The following UNC13C variants were observed in gnomAD, a reference collection of about 807,000 sequenced individuals.
The protein encoded by UNC13C is unc-13 homolog C.
Under a neutral mutation model 245.4 loss-of-function variants are expected in UNC13C, and 174 were observed. The observed-to-expected ratio is 0.71, with a 90% CI of 0.63 to 0.80. The LOEUF (loss-of-function observed/expected upper bound fraction) is 0.80, where lower values mean the gene tolerates loss of function less well. Ranked by LOEUF, UNC13C falls within the 30% of genes least tolerant of loss-of-function variation. UNC13C has a pLI of 0.00. For synonymous variants in UNC13C, 992 were observed against 895.1 expected, an observed-to-expected ratio of 1.11 and a Z score of -1.93; for missense variants, 2,829 against 2,602.9, an observed-to-expected ratio of 1.09 and a Z score of -1.89.
At chr15:53,873,738 C>T in the UNC13C span, among the ~76,000 whole-genome samples, 1 of 284 alleles carries the variant, frequency 3.5e-3, no homozygotes, top group Non-Finnish European at 0.17. Context: ...AAATAAGACA[C>T]ACAACTATGT....
intron 10 of UNC13C, among the ~76,000 whole-genome samples, chr15:54,272,999 G>C (rs2036727108): frequency 6.6e-6 from 1 of 152,144 alleles, no homozygotes. Context: ...GTTTTAAATT[G>C]AGAACCAAAC....
intron 29 of UNC13C, among the ~76,000 whole-genome samples, chr15:54,566,732 G>T (rs186567692): frequency 2.0e-5 from 3 of 150,756 alleles, no homozygotes; most frequent in Non-Finnish European, 3.0e-5. Context: ...CCTTGAATAG[G>T]GAAAAAAAAA....
intron 19 of UNC13C, among the ~76,000 whole-genome samples, chr15:54,473,723 TTTC>T (rs1203092053): frequency 1.3e-5 from 2 of 151,632 alleles, no homozygotes; most frequent in African/African-American, 2.4e-5. Context: ...TCTTCTCTTT[TTTC>T]TTTTTTTAGT....
At chr15:54,155,380 C>G (rs2141257100) in intron 4 of UNC13C, among the ~76,000 whole-genome samples, 1 of 152,280 alleles carries the variant, frequency 6.6e-6, no homozygotes, top group Admixed American at 6.5e-5. Context: ...ACTTTTGCCA[C>G]ATTCTATTGT....
At chr15:54,199,724 C>A (rs1287886599) in intron 4 of UNC13C, among the ~76,000 whole-genome samples, 3 of 151,882 alleles carry the variant, frequency 2.0e-5, no homozygotes, top group Non-Finnish European at 4.4e-5. Context: ...CTAAATAAAC[C>A]AAAATAGAAC....
chr15:53,897,250 C>T, the UNC13C span, among the ~76,000 whole-genome samples: 97 of 152,254 alleles, frequency 6.4e-4, no homozygotes, highest in Admixed American at 5.3e-3. Context: ...CAATCAAGCT[C>T]ATTGAATAAA....
At chr15:54,061,899 G>A (rs1159884126) in intron 2 of UNC13C, among the ~76,000 whole-genome samples, 1 of 152,142 alleles carries the variant, frequency 6.6e-6, no homozygotes, top group Non-Finnish European at 1.5e-5. Flanking sequence ...GGTCATGGAT[G>A]TTTGTAAATT....
chr15:54,332,234 C>A, intron 15 of UNC13C, 123 bp downstream of exon 15: 1 of 663,512 alleles, frequency 1.5e-6, no homozygotes, highest in Non-Finnish European at 2.5e-6. Flanking sequence ...GGTGCTGTTA[C>A]CCTTAGAAAT....
Position 54,038,124 on chromosome 15 carries a change from A to ATAAAAATTTTTTTTTTTTTTTTTTTT in UNC13C, c.2983+22239_2983+22240insAAAAATTTTTTTTTTTTTTTTTTTTT. 5.6e-4 allele frequency among the ~76,000 whole-genome samples: 25 copies of ATAAAAATTTTTTTTTTTTTTTTTTTT among 45,030 alleles called. 1 individual carries two copies. The highest frequency in any genetic ancestry group is 2.6e-3 in the African/African-American group (25 of 9,450). The allele number at this position is 45,030 out of a possible 152,430, so 29.5% of individuals were successfully genotyped here. ...CATATATATATATATATATATATAT[A>ATAAAAATTTTTTTTTTTTTTTTTTTT]TTTTTTTTTTTTTTTTCCTGAGACA... On this transcript the variant is annotated intron_variant, in intron 2 of 32. Coordinates refer to ENST00000260323, the MANE Select transcript of UNC13C (RefSeq NM_001080534.3).
chr15:54,533,671 G>A (rs1895859808), intron 26 of UNC13C, among the ~76,000 whole-genome samples: 1 of 152,220 alleles, frequency 6.6e-6, no homozygotes, highest in African/African-American at 2.4e-5. Flanking sequence ...AGGCCATTAT[G>A]ACTGACTAAG....
At chr15:54,315,591 T>C (rs1445709710) in intron 13 of UNC13C, among the ~76,000 whole-genome samples, 1 of 151,712 alleles carries the variant, frequency 6.6e-6, no homozygotes, top group Non-Finnish European at 1.5e-5. Context: ...CCCTAGGTAA[T>C]CTTATCCTTT....
intron 19 of UNC13C, among the ~76,000 whole-genome samples, chr15:54,468,872 G>A (rs1476549522): frequency 6.6e-6 from 1 of 151,586 alleles, no homozygotes; most frequent in Admixed American, 6.6e-5. Flanking sequence ...TTGAAATCCA[G>A]TAGTGTGATG....
At chr15:53,969,684 C>CAAA in the UNC13C span, among the ~76,000 whole-genome samples, 139 of 95,836 alleles carry the variant, frequency 1.5e-3, no homozygotes, top group Non-Finnish European at 2.2e-3. Flanking sequence ...GGTGCTGTCT[C>CAAA]AAAAAAAAAA....
At chr15:54,250,765 T>C (rs927081116) in intron 8 of UNC13C, among the ~76,000 whole-genome samples, 28 of 84,036 alleles carry the variant, frequency 3.3e-4, no homozygotes, top group African/African-American at 5.1e-4. Flanking sequence ...TTTTTTTTTT[T>C]TTTTTTTTTG....
intron 1 of UNC13C, among the ~76,000 whole-genome samples, chr15:53,992,828 C>G (rs1894451298): frequency 6.6e-6 from 1 of 152,042 alleles, no homozygotes; most frequent in Admixed American, 6.6e-5. Flanking sequence ...CTTTTGTTGT[C>G]TTTCTGTACT....
chr15:54,190,476 A>G (rs2034146674), intron 4 of UNC13C, among the ~76,000 whole-genome samples: 2 of 152,058 alleles, frequency 1.3e-5, no homozygotes, highest in Admixed American at 1.3e-4. Context: ...GCATTTTTAT[A>G]TAGGTCTTTA....
the UNC13C span, among the ~76,000 whole-genome samples, chr15:53,916,139 C>T: frequency 6.6e-6 from 1 of 152,152 alleles, no homozygotes; most frequent in African/African-American, 2.4e-5. Flanking sequence ...AGACAGAGTT[C>T]GAAGAATGGT....
intron 4 of UNC13C, among the ~76,000 whole-genome samples, chr15:54,207,168 A>C (rs1567097893): frequency 6.6e-6 from 1 of 151,800 alleles, no homozygotes; most frequent in Non-Finnish European, 1.5e-5. Context: ...CAAGGATTTG[A>C]ATGTTGGTTG....
chr15:54,569,594 TTGTG>T (rs562796527), intron 30 of UNC13C, among the ~76,000 whole-genome samples: 4 of 149,844 alleles, frequency 2.7e-5, no homozygotes, highest in African/African-American at 4.9e-5. Flanking sequence ...GTATGTTTGT[TTGTG>T]TGTGTGTGTG....
Sources: gnomAD v4.1 joint callset for allele counts (sites outside exome capture counted in the v4.1 genomes callset) on GRCh38, gnomAD v4.1.1 for gene constraint, MANE v1.5 for transcripts, NCBI Gene and HGNC (gene_info 2026-07-23, HGNC 2026-07-21) for gene names.